The following RAD51B variants were observed in gnomAD, a reference collection of about 807,000 sequenced individuals.
RAD51B encodes the protein RAD51 paralog B.
A neutral mutation model predicts 42.2 loss-of-function variants in RAD51B; 38 were observed. That is an observed-to-expected ratio of 0.90 (90% CI 0.70 to 1.18). The LOEUF (loss-of-function observed/expected upper bound fraction) is 1.18, where lower values mean the gene tolerates loss of function less well. RAD51B is among the 50% of genes most tolerant of loss of function. RAD51B has a pLI of 0.00. For missense variants in RAD51B, 373 were observed against 400.7 expected, an observed-to-expected ratio of 0.93 and a Z score of 0.59; for synonymous variants, 154 against 145.2, an observed-to-expected ratio of 1.06 and a Z score of -0.43.
intron 8 of RAD51B, among the ~76,000 whole-genome samples, chr14:68,393,023 A>G (rs896481044): frequency 2.6e-5 from 4 of 152,100 alleles, no homozygotes; most frequent in African/African-American, 7.2e-5. Flanking sequence ...TCCTTTGTCT[A>G]TTTCCCCTAT....
intron 7 of RAD51B, among the ~76,000 whole-genome samples, chr14:68,245,546 G>A (rs2767376): frequency 0.012 from 1,791 of 152,330 alleles, 36 homozygotes; most frequent in African/African-American, 0.039. Context: ...TGCAACATAA[G>A]TTACCTTATA....
intron 10 of RAD51B, among the ~76,000 whole-genome samples, chr14:68,519,051 C>T (rs1027155456): frequency 6.6e-6 from 1 of 152,080 alleles, no homozygotes; most frequent in African/African-American, 2.4e-5. Context: ...CTTTTCCCAA[C>T]TTCACAATCA....
chr14:68,616,687 C>A (rs1033081316), intron 10 of RAD51B, among the ~76,000 whole-genome samples: 1 of 152,098 alleles, frequency 6.6e-6, no homozygotes, highest in African/African-American at 2.4e-5. Flanking sequence ...TGTTCTCCCT[C>A]TTTTTTCTTT....
intron 7 of RAD51B, among the ~76,000 whole-genome samples, chr14:68,176,296 T>C (rs565211909): frequency 6.6e-6 from 1 of 152,298 alleles, no homozygotes; most frequent in East Asian, 1.9e-4. Context: ...AAGAAACTTA[T>C]CCAAGATTCA....
chr14:68,028,486 C>T (rs1025959005), intron 7 of RAD51B, among the ~76,000 whole-genome samples: 2 of 152,210 alleles, frequency 1.3e-5, no homozygotes, highest in African/African-American at 4.8e-5. Context: ...TGAGTATGGG[C>T]TCCTCCTCTG....
intron 7 of RAD51B, among the ~76,000 whole-genome samples, chr14:67,993,820 G>A (rs2075337251): frequency 1.3e-5 from 2 of 152,062 alleles, no homozygotes; most frequent in Non-Finnish European, 1.5e-5. Flanking sequence ...CAGTGTATGA[G>A]GGTTCTCTAG....
At chr14:68,571,850 C>T (rs1042629439) in intron 10 of RAD51B, among the ~76,000 whole-genome samples, 1 of 152,028 alleles carries the variant, frequency 6.6e-6, no homozygotes, top group African/African-American at 2.4e-5. Flanking sequence ...GGCTCAGGTC[C>T]TCACCTGAGA....
At chr14:68,036,658 T>TA (rs1374805885) in intron 7 of RAD51B, among the ~76,000 whole-genome samples, 1 of 152,234 alleles carries the variant, frequency 6.6e-6, no homozygotes, top group Non-Finnish European at 1.5e-5. Context: ...ATTCAAGTTT[T>TA]ATGTGTGAAA....
intron 10 of RAD51B, among the ~76,000 whole-genome samples, chr14:68,476,731 A>G (rs926393659): frequency 1.3e-5 from 2 of 152,224 alleles, no homozygotes; most frequent in Admixed American, 6.5e-5. Flanking sequence ...CACACATGCC[A>G]TGAGAACTGA....
chr14:68,491,151 C>T (rs887338832), intron 10 of RAD51B, among the ~76,000 whole-genome samples: 2 of 152,196 alleles, frequency 1.3e-5, no homozygotes, highest in Admixed American at 1.3e-4. Context: ...AAGCCCACTC[C>T]ACAGACCCTG....
At chr14:68,241,322 C>A (rs886483341) in intron 7 of RAD51B, among the ~76,000 whole-genome samples, 2 of 152,186 alleles carry the variant, frequency 1.3e-5, no homozygotes, top group Non-Finnish European at 2.9e-5. Flanking sequence ...GCAGGTGGAT[C>A]ACGAGGTCAG....
intron 7 of RAD51B, among the ~76,000 whole-genome samples, chr14:67,991,726 TAAATTATTGGGTGATATAGACAGGAGTCA>T (rs1370832335): frequency 1.3e-5 from 2 of 152,140 alleles, no homozygotes; most frequent in East Asian, 1.9e-4. Context: ...AAGGATGGCT[TAAATTATTGGGTGATATAGACAGGAGTCA>T]AAATTATTGG....
intron 7 of RAD51B, among the ~76,000 whole-genome samples, chr14:67,915,149 G>A (rs923630046): frequency 6.6e-6 from 1 of 152,028 alleles, no homozygotes; most frequent in Non-Finnish European, 1.5e-5. Context: ...CTGCATGATG[G>A]GATTATTTGT....
At chr14:68,058,452 C>T (rs530335245) in intron 7 of RAD51B, among the ~76,000 whole-genome samples, 99 of 152,256 alleles carry the variant, frequency 6.5e-4, no homozygotes, top group African/African-American at 2.4e-3. Context: ...CCCTCTTTAC[C>T]ACTGTTATCA....
intron 6 of RAD51B, among the ~76,000 whole-genome samples, 193 bp downstream of exon 6, chr14:67,886,181 A>G (rs1218075354): frequency 6.6e-6 from 1 of 152,168 alleles, no homozygotes; most frequent in Non-Finnish European, 1.5e-5. Context: ...AATGAATAAA[A>G]TGTTCTGTAT....
At chr14:68,014,483 C>T (rs2075742429) in intron 7 of RAD51B, among the ~76,000 whole-genome samples, 1 of 152,018 alleles carries the variant, frequency 6.6e-6, no homozygotes, top group South Asian at 2.1e-4. Context: ...GTACAAGTTA[C>T]CAGATAGAAG....
intron 7 of RAD51B, among the ~76,000 whole-genome samples, chr14:68,017,601 A>G (rs2075798111): frequency 6.6e-6 from 1 of 152,170 alleles, no homozygotes; most frequent in Non-Finnish European, 1.5e-5. Context: ...TTTTGCCCCT[A>G]GATTTTATTT....
At chr14:68,087,890 A>ATATATAATT (rs2077013151) in intron 7 of RAD51B, among the ~76,000 whole-genome samples, 3 of 80,632 alleles carry the variant, frequency 3.7e-5, no homozygotes, top group Non-Finnish European at 6.8e-5. Context: ...ATAATTATAT[A>ATATATAATT]ATATATTATT....
chr14:68,501,939 T>C (rs545532862), intron 10 of RAD51B, among the ~76,000 whole-genome samples: 3 of 152,360 alleles, frequency 2.0e-5, no homozygotes, highest in African/African-American at 7.2e-5. Flanking sequence ...AGTGTTCCTC[T>C]TCACAGACTT....
Sources: gnomAD v4.1 joint callset for allele counts (sites outside exome capture counted in the v4.1 genomes callset) on GRCh38, gnomAD v4.1.1 for gene constraint, MANE v1.5 for transcripts, NCBI Gene and HGNC (gene_info 2026-07-23, HGNC 2026-07-21) for gene names.